Variants in KCNB2 observed in about 807,000 individuals in gnomAD.
The protein encoded by KCNB2 is delayed rectifier potassium channel protein.
KCNB2 carries 15 observed loss-of-function variants against 61.5 expected under a neutral mutation model. The observed-to-expected ratio is 0.24, with a 90% CI of 0.16 to 0.38. The LOEUF (loss-of-function observed/expected upper bound fraction) is 0.38. KCNB2 is among the 10% of genes least tolerant of loss of function. KCNB2 has a pLI of 1.00. For missense variants in KCNB2, 828 were observed against 1,125.2 expected (o/e 0.74, Z 3.78); for synonymous variants, 457 against 446.0 (o/e 1.02, Z -0.31).
At chr8:72,846,253 G>A (rs1371602346) in intron 2 of KCNB2, among the ~76,000 whole-genome samples, 2 of 152,060 alleles carry the variant, frequency 1.3e-5, no homozygotes, top group African/African-American at 2.4e-5. Flanking sequence ...ACCCTGCTTT[G>A]GCTCACCCTC....
intron 2 of KCNB2, among the ~76,000 whole-genome samples, chr8:72,603,725 G>T (rs1213370290): frequency 6.6e-6 from 1 of 152,146 alleles, no homozygotes; most frequent in African/African-American, 2.4e-5. Flanking sequence ...AAATAGGCTT[G>T]CTGCAGATGT....
At chr8:72,597,833 T>TGCTAATGAGG (rs1176057840) in intron 2 of KCNB2, among the ~76,000 whole-genome samples, 1 of 152,126 alleles carries the variant, frequency 6.6e-6, no homozygotes, top group East Asian at 1.9e-4. Flanking sequence ...ATTAAACAAG[T>TGCTAATGAGG]GCTAATGAGG....
At chr8:72,715,914 G>A (rs537966976) in intron 2 of KCNB2, among the ~76,000 whole-genome samples, 9 of 152,214 alleles carry the variant, frequency 5.9e-5, no homozygotes, top group African/African-American at 2.2e-4. Flanking sequence ...TAGACTGCTA[G>A]CAAGACTAAT....
chr8:72,933,779 C>G (rs1806841323), intron 2 of KCNB2, among the ~76,000 whole-genome samples: 2 of 152,310 alleles, frequency 1.3e-5, no homozygotes, highest in South Asian at 4.1e-4. Flanking sequence ...TTATCTAAAT[C>G]TTCTCAAGGG....
chr8:72,895,592 T>C (rs1466960561), intron 2 of KCNB2, among the ~76,000 whole-genome samples: 1 of 152,188 alleles, frequency 6.6e-6, no homozygotes, highest in East Asian at 1.9e-4. Context: ...GATAATTTGT[T>C]ACAGCAGCAA....
chr8:72,617,224 C>T (rs545472006), intron 2 of KCNB2, among the ~76,000 whole-genome samples: 6 of 152,246 alleles, frequency 3.9e-5, no homozygotes, highest in Admixed American at 3.9e-4. Flanking sequence ...ACTAATGTTG[C>T]CCCAATCCTC....
chr8:72,609,755 C>T (rs534795657), intron 2 of KCNB2, among the ~76,000 whole-genome samples: 9 of 152,158 alleles, frequency 5.9e-5, no homozygotes, highest in Non-Finnish European at 1.3e-4. Flanking sequence ...TAAAATATTT[C>T]AGACTACAGA....
intron 2 of KCNB2, among the ~76,000 whole-genome samples, chr8:72,686,614 C>T (rs895928871): frequency 6.6e-6 from 1 of 152,180 alleles, no homozygotes; most frequent in Non-Finnish European, 1.5e-5. Context: ...ATCTTGCCAG[C>T]ATAGTAAGCA....
At position 72,821,646 on chromosome 8, in the gene KCNB2, A is replaced by C. The variant is rs796618138; in HGVS notation, c.580-114289A>C. Among the ~76,000 whole-genome samples, 885 of 127,252 alleles carry C rather than the reference A, an allele frequency of 7.0e-3. 8 individuals are homozygous for C. The highest frequency in any genetic ancestry group is 0.018 in the African/African-American group (524 of 28,740). The allele number at this position is 127,252 out of a possible 152,430, so 83.5% of individuals were successfully genotyped here. On this transcript the variant is annotated intron_variant, in intron 2 of 2. Transcript: ENST00000523207. The stretch of plus-strand genomic sequence containing the variant: ...CACACACACACAAAAAAAAACAAAA[A>C]AAAAAAAAAAAAAACACACACACAC...
intron 2 of KCNB2, among the ~76,000 whole-genome samples, chr8:72,749,796 A>C (rs998702638): frequency 6.8e-6 from 1 of 146,866 alleles, no homozygotes; most frequent in Non-Finnish European, 1.5e-5. Flanking sequence ...TATATAATAT[A>C]TATAATATAT....
chr8:72,775,846 T>G (rs1808640559), intron 2 of KCNB2, among the ~76,000 whole-genome samples: 1 of 152,324 alleles, frequency 6.6e-6, no homozygotes, highest in East Asian at 1.9e-4. Flanking sequence ...AGTGTGGTGA[T>G]TCCTCAAGGA....
chr8:72,574,165 G>T (rs1806761415), intron 2 of KCNB2, among the ~76,000 whole-genome samples: 1 of 152,172 alleles, frequency 6.6e-6, no homozygotes, highest in South Asian at 2.1e-4. Flanking sequence ...ATTGGGTTTT[G>T]GTTTAAATGT....
At chr8:72,927,553 G>T (rs1806676630) in intron 2 of KCNB2, among the ~76,000 whole-genome samples, 1 of 152,154 alleles carries the variant, frequency 6.6e-6, no homozygotes, top group African/African-American at 2.4e-5. Context: ...TTACAGGCAT[G>T]AGCCACTGCA....
Position 72,591,558 on chromosome 8 carries a change from G to A in KCNB2, c.579+23245G>A, listed in dbSNP as rs751010430. ...AATTTCATGATGTGTTTAGGTATCA[G>A]TGTAGAAAAAGTCAAGAGTTATATA... On this transcript the variant is annotated intron_variant, in intron 2 of 2. Transcript: ENST00000523207. Among the ~76,000 whole-genome samples, 106 of 152,252 alleles carry A rather than the reference G, an allele frequency of 7.0e-4. 1 individual carries two copies. Among genetic ancestry groups the A allele is most frequent in the African/African-American group, 2.4e-3 (100 of 41,564 alleles).
In KCNB2 at chr8:72,636,471, A is replaced by G. The variant is rs569489031; in HGVS notation, c.579+68158A>G. ...TAGCTCTAATCCTTTCATTTTGATT[A>G]GATTAGGTTATAATCCTGACAGTGA... On this transcript the variant is annotated intron_variant, in intron 2 of 2. Coordinates refer to ENST00000523207, the MANE Select transcript of KCNB2 (RefSeq NM_004770.3). Among the ~76,000 whole-genome samples the G allele has an allele frequency of 1.1e-4, 17 of 152,312 alleles. No homozygotes were observed. In the South Asian group the frequency reaches 3.5e-3, roughly 32 times the overall value.
intron 2 of KCNB2, among the ~76,000 whole-genome samples, chr8:72,574,678 A>C (rs1161391507): frequency 6.6e-6 from 1 of 152,202 alleles, no homozygotes; most frequent in Non-Finnish European, 1.5e-5. Context: ...TTTAAACCTC[A>C]ATAAATACAT....
intron 2 of KCNB2, among the ~76,000 whole-genome samples, chr8:72,647,416 C>T (rs534169124): frequency 1.3e-5 from 2 of 151,852 alleles, no homozygotes; most frequent in Non-Finnish European, 1.5e-5. Flanking sequence ...TTCGGTGCCA[C>T]GGAAATTAAT....
At chr8:72,851,651 G>T (rs759084650) in intron 2 of KCNB2, among the ~76,000 whole-genome samples, 8 of 151,916 alleles carry the variant, frequency 5.3e-5, no homozygotes, top group African/African-American at 9.7e-5. Context: ...AGGTTCCACT[G>T]CTCTAAACTG....
At chr8:72,692,002 C>T (rs554595348) in intron 2 of KCNB2, among the ~76,000 whole-genome samples, 3 of 151,906 alleles carry the variant, frequency 2.0e-5, no homozygotes, top group South Asian at 2.1e-4. Context: ...TTTGGGAGGC[C>T]GAGGCAGGCA....
Sources: gnomAD v4.1 joint callset for allele counts (sites outside exome capture counted in the v4.1 genomes callset) on GRCh38, gnomAD v4.1.1 for gene constraint, MANE v1.5 for transcripts, NCBI Gene and HGNC (gene_info 2026-07-23, HGNC 2026-07-21) for gene names.